The following MYH7 variants were observed in gnomAD, a reference collection of about 807,000 sequenced individuals.
MYH7 encodes myosin heavy chain 7.
A neutral mutation model predicts 225.4 loss-of-function variants in MYH7; 129 were observed. The ratio of observed to expected loss-of-function variants is 0.57; its 90% CI spans 0.50 to 0.66. The LOEUF (loss-of-function observed/expected upper bound fraction) is 0.66, where lower values mean the gene tolerates loss of function less well. MYH7 is among the 30% of genes least tolerant of loss of function. The pLI is 0.00. For synonymous variants in MYH7, 971 were observed against 1,007.6 expected (o/e 0.96, Z 0.69); for missense variants, 1,649 against 2,517.0 (o/e 0.66, Z 7.38).
chr14:23,419,126 C>A lies in MYH7; in HGVS notation c.3972+51G>T, dbSNP rs752671374. On this transcript the variant is annotated intron_variant, in intron 29 of 39. Transcript: ENST00000355349. Reference sequence around the variant, plus strand: ...GGAAGGGAAGTGATTTGATGCAAGGCTAGTCAGTGTGCTCCTTGCTTGGGC... The same window carrying A: ...GGAAGGGAAGTGATTTGATGCAAGGATAGTCAGTGTGCTCCTTGCTTGGGC... 1.2e-5 allele frequency: 18 copies of A among 1,471,752 alleles called. 1 individual carries two copies. In the South Asian group the frequency reaches 2.0e-4, roughly 17 times the overall value. The allele number at this position is 1,471,752 out of a possible 1,614,324, so 91.2% of individuals were successfully genotyped here.
chr14:23,425,975 G>A lies in MYH7; in HGVS notation c.2151C>T (p.Asp717=), dbSNP rs1385478575. Residue 717 remains aspartate (D), a synonymous_variant, in exon 19 of 40, where the codon GAC becomes GAT. Coordinates refer to ENST00000355349, the MANE Select transcript of MYH7 (RefSeq NM_000257.4). The surrounding 1 kb of genome is among the most constrained non-coding windows in gnomAD (Gnocchi z 4.6). The part of the protein sequence containing the change: ...KGFPNRILYG[D]FRQRYRILNP... ...ACCCTCATACCCACCTCTGCCGGAAGTCCCCGTAGAGGATGCGGTTGGGGA... is the reference window on the plus strand; with the variant it reads ...ACCCTCATACCCACCTCTGCCGGAAATCCCCGTAGAGGATGCGGTTGGGGA... 1 of 1,613,928 alleles carries A rather than the reference G, an allele frequency of 6.2e-7. No homozygotes were observed. The highest frequency in any genetic ancestry group is 8.5e-7 in the Non-Finnish European group (1 of 1,180,054).
intron 39 of MYH7, 72 bp downstream of exon 39, chr14:23,413,687 C>T (rs45553533): frequency 0.012 from 19,850 of 1,601,808 alleles, 161 homozygotes; most frequent in Non-Finnish European, 0.015. Flanking sequence ...GGAAGCATCC[C>T]GGGTTTGAGG....
intron 30 of MYH7, chr14:23,417,991 C>T: frequency 1.1e-6 from 1 of 926,242 alleles, no homozygotes; most frequent in African/African-American, 1.6e-5. Context: ...AGCACTCTGC[C>T]CTCAGACAAA....
rs570548358 is a variant in MYH7, at chr14:23,422,918, C to T, written c.3100-593G>A. Among the ~76,000 whole-genome samples the T allele has an allele frequency of 1.8e-4, 27 of 152,302 alleles. No individual in the cohort carries two copies. The South Asian group carries it at 4.6e-3, about 26-fold the overall frequency. The stretch of plus-strand genomic sequence containing the variant: ...TGCTGGGATTACAGGTGTGAGCCAC[C>T]GCGGCTGGCCGCCGTATTCATTCTT... On this transcript the variant is annotated intron_variant, in intron 24 of 39. Coordinates refer to ENST00000355349, the MANE Select transcript of MYH7 (RefSeq NM_000257.4).
intron 5 of MYH7, 52 bp from the exon 6 acceptor site, chr14:23,432,558 G>A (rs1194797823): frequency 3.1e-6 from 5 of 1,613,994 alleles, no homozygotes; most frequent in East Asian, 2.2e-5. Context: ...GGATGCTCTC[G>A]TGGGGCTTCT....
Position 23,427,716 on chromosome 14 carries a change from A to G in MYH7, c.1757T>C (p.Val586Ala), listed in dbSNP as rs397516121. 2 of 1,614,190 alleles carry G rather than the reference A, an allele frequency of 1.2e-6. No homozygotes were observed. The highest frequency in any genetic ancestry group is 1.7e-6 in the Non-Finnish European group (2 of 1,180,032). ...CAGCCAGCCAATGATGTTGTAGTCC[A>G]CGATGCCGGCATAGTGGATCAGGGA... ...HFSLIHYAGIVDYNIIGWLQK... is the reference protein window; with the variant it reads ...HFSLIHYAGIADYNIIGWLQK... The change falls in exon 16 of 40, where the codon GTG becomes GCG. Residue 586 changes from valine to alanine, a missense_variant. This residue lies in a region of MYH7 where 112 missense variants were observed against 161.9 expected (regional missense o/e 0.69). Transcript: ENST00000355349.
Position 23,423,561 on chromosome 14 carries a change from G to C in MYH7, c.3085C>G (p.Gln1029Glu). 3 of 1,613,344 alleles carry C rather than the reference G, an allele frequency of 1.9e-6. No individual in the cohort carries two copies. Among genetic ancestry groups the C allele is most frequent in the Non-Finnish European group, 2.5e-6 (3 of 1,179,984 alleles). ...TLTKAKVKLEQQVDDLEGSLE... is the reference protein window; with the variant it reads ...TLTKAKVKLEEQVDDLEGSLE... ...AATCTACTCACATCATCCACTTGCT[G>C]CTCCAGCTTGACTTTGGCCTTAGTC... Residue 1029 changes from glutamine (Q) to glutamate (E), a missense_variant, in exon 24 of 40, where the codon CAG becomes GAG. Coordinates refer to ENST00000355349, the MANE Select transcript of MYH7 (RefSeq NM_000257.4).
In MYH7 at chr14:23,426,851, T is replaced by C. The variant is rs1064793204; in HGVS notation, c.1970A>G (p.Lys657Arg). 6.2e-7 allele frequency: 1 copy of C among 1,614,012 alleles called. No individual in the cohort carries two copies. Among genetic ancestry groups the C allele is most frequent in the Non-Finnish European group, 8.5e-7 (1 of 1,180,004 alleles). Reference sequence around the variant, plus strand: ...GGTGGAGCGCAAGTTGGTCATCAGCTTGTTCAGATTTTCCTGTGGCCAAAA... The same window carrying C: ...GGTGGAGCGCAAGTTGGTCATCAGCCTGTTCAGATTTTCCTGTGGCCAAAA... ...VSALHRENLN[K>R]LMTNLRSTHP... The change falls in exon 18 of 40, where the codon AAG becomes AGG. Residue 657 changes from lysine (K) to arginine (R), a missense_variant. Transcript: ENST00000355349.
intron 10 of MYH7, 78 bp downstream of exon 10, chr14:23,430,823 C>T: frequency 7.6e-7 from 1 of 1,316,896 alleles, no homozygotes; most frequent in Non-Finnish European, 1.1e-6. Context: ...CCAGGGCATG[C>T]CAGCTGAGTC....
chr14:23,424,690 C>T, intron 22 of MYH7, 79 bp downstream of exon 22: 1 of 1,604,978 alleles, frequency 6.2e-7, no homozygotes, highest in Non-Finnish European at 8.5e-7. Context: ...ACAGTGAGCC[C>T]CTGTGCAGGG....
chr14:23,432,029 A>G (rs1892968112), intron 6 of MYH7, among the ~76,000 whole-genome samples, 160 bp from the exon 7 acceptor site: 1 of 151,952 alleles, frequency 6.6e-6, no homozygotes, highest in African/African-American at 2.4e-5. Context: ...TCTGATGCAC[A>G]GAGGTCAGGG....
intron 25 of MYH7, among the ~76,000 whole-genome samples, chr14:23,421,495 G>A (rs527929552): frequency 1.5e-4 from 23 of 152,330 alleles, no homozygotes; most frequent in East Asian, 9.7e-4. Flanking sequence ...AAATAGGATC[G>A]TGTATTTATT....
At chr14:23,413,548 C>G (rs1892054657) in intron 39 of MYH7, among the ~76,000 whole-genome samples, 2 of 140,124 alleles carry the variant, frequency 1.4e-5, no homozygotes, top group Admixed American at 7.6e-5. Context: ...GCCTGGGCGG[C>G]AGAGTGAGAC....
At position 23,423,658 on chromosome 14, in the gene MYH7, C is replaced by T. The variant is rs1176423898; in HGVS notation, c.2988G>A (p.Lys996=). The stretch of plus-strand genomic sequence containing the variant: ...GTTGGTGGGCCTCTTGCAGAGCTTT[C>T]TTCTCCTTGGTCAGCTTGGCAATGA... The part of the protein sequence containing the change: ...DEIIAKLTKE[K]KALQEAHQQA... Residue 996 remains lysine (K), a synonymous_variant, in exon 24 of 40, where the codon AAG becomes AAA. Coordinates refer to ENST00000355349, the MANE Select transcript of MYH7 (RefSeq NM_000257.4). 5 of 1,614,006 alleles carry T rather than the reference C, an allele frequency of 3.1e-6. No homozygotes were observed. The African/African-American group carries it at 4.0e-5, about 13-fold the overall frequency.
Position 23,425,098 on chromosome 14 carries a change from A to T in MYH7, c.2424-74T>A, listed in dbSNP as rs373103103. On this transcript the variant is annotated intron_variant, in intron 21 of 39. Coordinates refer to ENST00000355349, the MANE Select transcript of MYH7 (RefSeq NM_000257.4). The surrounding 1 kb of genome is among the most constrained non-coding windows in gnomAD (Gnocchi z 4.6). Reference sequence around the variant, plus strand: ...CCTGAGGTCCTGAAACCTTGGGAATATCCCATTTCCTTCATCCCTCCCACC... The same window carrying T: ...CCTGAGGTCCTGAAACCTTGGGAATTTCCCATTTCCTTCATCCCTCCCACC... The T allele has an allele frequency of 1.2e-5, 20 of 1,612,068 alleles. No individual in the cohort carries two copies. Among genetic ancestry groups the T allele is most frequent in the Middle Eastern group, 1.7e-4 (1 of 5,972 alleles).
At chr14:23,419,420 G>A (rs1892370928) in intron 28 of MYH7, 63 bp downstream of exon 28, 8 of 1,611,934 alleles carry the variant, frequency 5.0e-6, no homozygotes, top group Non-Finnish European at 6.8e-6. Flanking sequence ...GCCCGAGGCT[G>A]GAGTGGCTCA....
Position 23,417,213 on chromosome 14 carries a change from C to A in MYH7, c.4459G>T (p.Ala1487Ser), listed in dbSNP as rs766909770. 3 of 1,614,092 alleles carry A rather than the reference C, an allele frequency of 1.9e-6. No individual in the cohort carries two copies. The highest frequency in any genetic ancestry group is 2.2e-5 in the East Asian group (1 of 44,884). ...LSTELFKLKN[A>S]YEESLEHLET... ...AGATGTTCCAGGGACTCCTCATAGG[C>A]GTTCTTGAGTTTGAAGAGCTCTGTG... Residue 1487 changes from alanine to serine, a missense_variant, in exon 32 of 40, where the codon GCC becomes TCC. Coordinates refer to ENST00000355349, the MANE Select transcript of MYH7 (RefSeq NM_000257.4).
At position 23,414,892 on chromosome 14, in the gene MYH7, C is replaced by T. The variant is rs1270745315; in HGVS notation, c.5559+103G>A. On this transcript the variant is annotated intron_variant, in intron 37 of 39. Transcript: ENST00000355349. ...AGTGAAACGGGGGCTGCATTCCCATCCTCGCCCTGGAAGAGGCTAAGAGCA... is the reference window on the plus strand; with the variant it reads ...AGTGAAACGGGGGCTGCATTCCCATTCTCGCCCTGGAAGAGGCTAAGAGCA... The T allele has an allele frequency of 4.4e-6, 7 of 1,583,254 alleles. No individual in the cohort carries two copies. In the Admixed American group the frequency reaches 1.2e-4, roughly 26 times the overall value.
intron 15 of MYH7, 150 bp from the exon 16 acceptor site, chr14:23,428,044 A>G (rs941541919): frequency 5.7e-6 from 6 of 1,051,114 alleles, no homozygotes; most frequent in Non-Finnish European, 6.9e-6. Flanking sequence ...ACTGACTGGA[A>G]CCGGTTCAAG....
Sources: gnomAD v4.1 joint callset for allele counts (sites outside exome capture counted in the v4.1 genomes callset) on GRCh38, gnomAD v4.1.1 for gene constraint, gnomAD v4.1.1 regional missense constraint, Gnocchi (gnomAD v3.1) non-coding constraint, MANE v1.5 for transcripts, NCBI Gene and HGNC (gene_info 2026-07-23, HGNC 2026-07-21) for gene names.